The following SEMA6A variants were observed in gnomAD, a reference collection of about 807,000 sequenced individuals.
SEMA6A encodes the protein semaphorin 6A.
In SEMA6A, 25 loss-of-function variants were observed where a neutral mutation model predicts 96.8. The observed-to-expected ratio is 0.26, with a 90% confidence interval of 0.19 to 0.36. The LOEUF is 0.36. SEMA6A is among the 10% of genes least tolerant of loss of function. The pLI is 1.00. For missense variants in SEMA6A, 1,363 were observed against 1,323.1 expected, an observed-to-expected ratio of 1.03 and a Z score of -0.47; for synonymous variants, 612 against 518.0, an observed-to-expected ratio of 1.18 and a Z score of -2.46.
rs932170122 is a variant in SEMA6A at position 116,494,047 on chromosome 5, T to C, written c.444+1366A>G. Among the ~76,000 whole-genome samples, 4 of 152,278 alleles carry C rather than the reference T, an allele frequency of 2.6e-5. No homozygotes were observed. The South Asian group carries it at 8.3e-4, about 32-fold the overall frequency. ...TACTCGCCAAGAGATGGCCTAGCAG[T>C]CATTCTTGACTCACCTCTCTCTCTC... On this transcript the variant is annotated intron_variant, in intron 6 of 18. Transcript: ENST00000343348.
chr5:116,474,113 A>G (rs984483910), intron 16 of SEMA6A, among the ~76,000 whole-genome samples: 4 of 152,172 alleles, frequency 2.6e-5, no homozygotes, highest in Non-Finnish European at 5.9e-5. Context: ...TGGACATTTT[A>G]TAGACACAGT....
At chr5:116,536,721 A>G (rs1192906228) in intron 1 of SEMA6A, among the ~76,000 whole-genome samples, 1 of 151,696 alleles carries the variant, frequency 6.6e-6, no homozygotes, top group Non-Finnish European at 1.5e-5. Context: ...AGGTCCTGCA[A>G]CTCTTGAATA....
intron 1 of SEMA6A, among the ~76,000 whole-genome samples, chr5:116,533,775 C>G (rs1273011478): frequency 6.6e-6 from 1 of 152,162 alleles, no homozygotes; most frequent in African/African-American, 2.4e-5. Context: ...AGGGGACAAA[C>G]AAAGGTCCTG....
chr5:116,477,863 A>G lies in SEMA6A; in HGVS notation c.1632T>C (p.His544=), dbSNP rs747514774. The change falls in exon 15 of 19, where the codon CAT becomes CAC. Residue 544 remains histidine, a synonymous_variant. Transcript: ENST00000343348. ...GWIKEGGACS[H]LSPNSRLTFE... is the part of the protein sequence containing the mutation. ...CTGCCTACCTGCTGTTGGGTGATAA[A>G]TGGCTGCAGGCACCACCTTCCTTTA... is the stretch of plus-strand genomic sequence containing the variant. The G allele has an allele frequency of 3.1e-6, 5 of 1,613,894 alleles. No homozygotes were observed. The highest frequency in any genetic ancestry group is 4.2e-6 in the Non-Finnish European group (5 of 1,179,864).
intron 6 of SEMA6A, among the ~76,000 whole-genome samples, chr5:116,495,126 A>G (rs527254151): frequency 6.6e-6 from 1 of 152,352 alleles, no homozygotes; most frequent in Admixed American, 6.5e-5. Context: ...GGAAATCCAC[A>G]TGGTGTACGT....
At position 116,491,804 on chromosome 5, in the gene SEMA6A, A is replaced by G. The variant is rs1470136386; in HGVS notation, c.471T>C (p.Asp157=). Residue 157 remains aspartate (D), a synonymous_variant, in exon 7 of 19, where the codon GAT becomes GAC. Transcript: ENST00000343348. ...YKMDTLEPFG[D]EFSGMARCPY... ...GGCATCTGGCCATTCCGCTGAATTC[A>G]TCCCCGAATGGTTCCAATGTATCCA... 3.1e-6 allele frequency: 5 copies of G among 1,613,586 alleles called. No homozygotes were observed. The highest frequency in any genetic ancestry group is 4.2e-6 in the Non-Finnish European group (5 of 1,179,550).
At chr5:116,508,964 AGTGGACCAT>A (rs1758272423) in intron 1 of SEMA6A, among the ~76,000 whole-genome samples, 1 of 152,222 alleles carries the variant, frequency 6.6e-6, no homozygotes, top group African/African-American at 2.4e-5. Flanking sequence ...AGCCTTAGCA[AGTGGACCAT>A]GTGGAACCCA....
rs1360902791 is a variant in SEMA6A at position 116,488,997 on chromosome 5, T to G, written c.546A>C (p.Leu182=). ...GGAAGTCAGTCACTGTGGCTGAGTA[T>G]AGTTTTCCATCTTAGAAGAAAAAGA... ...ANVALFADGK[L]YSATVTDFLA... is the part of the protein sequence containing the mutation. The change falls in exon 8 of 19, where the codon CTA becomes CTC. Residue 182 remains leucine (L), a synonymous_variant. Transcript: ENST00000343348. 18 of 1,567,758 alleles carry G rather than the reference T, an allele frequency of 1.1e-5. No individual in the cohort carries two copies. Among genetic ancestry groups the G allele is most frequent in the Non-Finnish European group, 1.6e-5 (18 of 1,154,944 alleles).
chr5:116,501,383 C>G (rs1210545260), intron 3 of SEMA6A, among the ~76,000 whole-genome samples: 3 of 152,110 alleles, frequency 2.0e-5, no homozygotes, highest in Non-Finnish European at 4.4e-5. Flanking sequence ...AACATTTCCC[C>G]AATGGATGAG....
At chr5:116,457,475 G>C (rs769433103) in intron 18 of SEMA6A, among the ~76,000 whole-genome samples, 10 of 152,056 alleles carry the variant, frequency 6.6e-5, no homozygotes, top group Non-Finnish European at 1.3e-4. Flanking sequence ...GCAGATATCT[G>C]TTTGAAAAGG....
intron 12 of SEMA6A, 142 bp downstream of exon 12, chr5:116,479,980 A>T (rs1337264476): frequency 2.2e-6 from 2 of 928,180 alleles, no homozygotes; most frequent in East Asian, 5.2e-5. Flanking sequence ...TATCCAACCA[A>T]TCGGCCACCA....
At chr5:116,493,206 T>A (rs1430008777) in intron 6 of SEMA6A, among the ~76,000 whole-genome samples, 1 of 152,194 alleles carries the variant, frequency 6.6e-6, no homozygotes, top group African/African-American at 2.4e-5. Flanking sequence ...ATGGCCTGTA[T>A]ATTACTGTGC....
intron 6 of SEMA6A, among the ~76,000 whole-genome samples, chr5:116,493,933 C>T (rs1244382122): frequency 4.6e-5 from 7 of 152,114 alleles, no homozygotes; most frequent in African/African-American, 1.7e-4. Flanking sequence ...CAAAATGGAG[C>T]CCATACCTTC....
chr5:116,537,994 G>A (rs1380176021), intron 1 of SEMA6A, among the ~76,000 whole-genome samples: 1 of 152,124 alleles, frequency 6.6e-6, no homozygotes, highest in Non-Finnish European at 1.5e-5. Context: ...GGCCAACATG[G>A]TGAAACCTCG....
intron 1 of SEMA6A, among the ~76,000 whole-genome samples, chr5:116,514,317 T>C (rs956678367): frequency 6.6e-6 from 1 of 152,042 alleles, no homozygotes; most frequent in South Asian, 2.1e-4. Context: ...TTTTTAATAA[T>C]AGCCTGGTGT....
chr5:116,527,298 A>G (rs1293955381), intron 1 of SEMA6A, among the ~76,000 whole-genome samples: 1 of 152,226 alleles, frequency 6.6e-6, no homozygotes, highest in Admixed American at 6.5e-5. Context: ...AAAAATGGAT[A>G]GAGTTGGATC....
chr5:116,473,664 G>A (rs940280730), intron 16 of SEMA6A, among the ~76,000 whole-genome samples: 2 of 152,128 alleles, frequency 1.3e-5, no homozygotes, highest in South Asian at 2.1e-4. Context: ...CTCTAACACT[G>A]GCTCTTTGTG....
intron 18 of SEMA6A, among the ~76,000 whole-genome samples, chr5:116,457,376 G>A (rs1420821973): frequency 6.6e-6 from 1 of 152,026 alleles, no homozygotes. Context: ...TTCTAATAAA[G>A]CATTGTCAGT....
intron 17 of SEMA6A, 58 bp downstream of exon 17, chr5:116,473,015 A>G: frequency 1.3e-6 from 2 of 1,550,352 alleles, no homozygotes; most frequent in South Asian, 2.4e-5. Flanking sequence ...TTAATGAAAT[A>G]GACATTCTCA....
Sources: gnomAD v4.1 joint callset for allele counts (sites outside exome capture counted in the v4.1 genomes callset) on GRCh38, gnomAD v4.1.1 for gene constraint, MANE v1.5 for transcripts, NCBI Gene and HGNC (gene_info 2026-07-23, HGNC 2026-07-21) for gene names.